CYP11B1: variants seen among roughly 807,000 people sequenced by gnomAD.
CYP11B1 encodes the protein cytochrome P450 11B1, mitochondrial.
Under a neutral mutation model 48.3 loss-of-function variants are expected in CYP11B1, and 34 were observed. The observed-to-expected ratio is 0.70, with a 90% confidence interval of 0.54 to 0.94. The LOEUF is 0.94. CYP11B1 is among the 40% of genes least tolerant of loss of function. The pLI is 0.00. For missense variants in CYP11B1, 688 were observed against 657.4 expected (o/e 1.05, Z -0.51); for synonymous variants, 291 against 262.5 (o/e 1.11, Z -1.05).
At chr8:142,874,717 G>C (rs1009088043) in intron 8 of CYP11B1, among the ~76,000 whole-genome samples, 1 of 152,126 alleles carries the variant, frequency 6.6e-6, no homozygotes, top group Non-Finnish European at 1.5e-5. Context: ...GACTTCCCCA[G>C]TTCCCACCTG....
At chr8:142,874,935 T>TCCC in intron 8 of CYP11B1, 22 bp downstream of exon 8, 2 of 1,611,412 alleles carry the variant, frequency 1.2e-6, no homozygotes, top group South Asian at 2.2e-5. Context: ...CCCAGGCCCC[T>TCCC]CCCCAGCCCG....
At chr8:142,877,540 T>C (rs1817000774) in intron 2 of CYP11B1, among the ~76,000 whole-genome samples, 1 of 152,158 alleles carries the variant, frequency 6.6e-6, no homozygotes, top group Non-Finnish European at 1.5e-5. Flanking sequence ...CTCCCTGTAG[T>C]AGGGGGGAGG....
At chr8:142,875,612 G>A in intron 6 of CYP11B1, 100 bp downstream of exon 6, 1 of 1,349,878 alleles carries the variant, frequency 7.4e-7, no homozygotes, top group Non-Finnish European at 1.0e-6. Flanking sequence ...GCTGCTGGGT[G>A]ACGCTGTTTA....
chr8:142,876,978 C>A (rs1563869559), intron 3 of CYP11B1, 45 bp downstream of exon 3: 1 of 1,612,026 alleles, frequency 6.2e-7, no homozygotes, highest in East Asian at 2.2e-5. Context: ...CCGTCCCTGG[C>A]CACTCCAGGG....
At chr8:142,877,358 T>G in intron 2 of CYP11B1, 136 bp from the exon 3 acceptor site, 1 of 926,610 alleles carries the variant, frequency 1.1e-6, no homozygotes, top group Non-Finnish European at 1.7e-6. Context: ...GCTGCCTGTT[T>G]GTGTTCGAGC....
At position 142,879,820 on chromosome 8, in the gene CYP11B1, G is replaced by A. The variant is rs759989671; in HGVS notation, c.-7C>T. On this transcript the variant is annotated 5_prime_UTR_variant, in exon 1 of 9. Transcript: ENST00000292427. ...CCTTTGCCCTGAGTGCCATTCCAAT[G>A]CTCCCTCCACCCTGTTCAGCTGCAA... is the stretch of plus-strand genomic sequence containing the variant. The A allele has an allele frequency of 1.2e-6, 2 of 1,612,428 alleles. No individual in the cohort carries two copies. The highest frequency in any genetic ancestry group is 1.3e-5 in the African/African-American group (1 of 75,046).
chr8:142,876,078 T>G (rs1271198534), intron 5 of CYP11B1, 163 bp downstream of exon 5: 4 of 1,189,780 alleles, frequency 3.4e-6, no homozygotes, highest in Non-Finnish European at 4.8e-6. Flanking sequence ...ATTCCAACCA[T>G]GGCAACCTGC....
At chr8:142,878,770 C>G (rs147846470) in intron 2 of CYP11B1, among the ~76,000 whole-genome samples, 1 of 152,194 alleles carries the variant, frequency 6.6e-6, no homozygotes, top group Non-Finnish European at 1.5e-5. Context: ...TGGTGCAGAG[C>G]GGGTTCTCAC....
intron 1 of CYP11B1, 61 bp downstream of exon 1, chr8:142,879,514 G>T (rs749551361): frequency 3.1e-6 from 5 of 1,614,128 alleles, no homozygotes; most frequent in Admixed American, 1.7e-5. Context: ...TGCCCGGCAG[G>T]GTCCTGGGCA....
chr8:142,875,754 G>T lies in CYP11B1; in HGVS notation c.1079C>A (p.Thr360Asn). Residue 360 changes from threonine (T) to asparagine (N), a missense_variant, in exon 6 of 9, where the codon ACC becomes AAC. Physicochemically the swap from Thr to Asn is moderately conservative, Grantham distance 65. Coordinates refer to ENST00000292427, the MANE Select transcript of CYP11B1 (RefSeq NM_000497.4). ...SISEHPQKAT[T>N]ELPLLRAALK... The stretch of plus-strand genomic sequence containing the variant: ...GGCCGCACGCAGCAAGGGCAGCTCG[G>T]TGGTTGCCTTCTGGGGATGTTCACT... 6.2e-7 allele frequency: 1 copy of T among 1,614,130 alleles called. No homozygotes were observed. Among genetic ancestry groups the T allele is most frequent in the Non-Finnish European group, 8.5e-7 (1 of 1,180,030 alleles).
chr8:142,879,351 T>G, intron 1 of CYP11B1, 164 bp from the exon 2 acceptor site: 4 of 1,607,488 alleles, frequency 2.5e-6, no homozygotes, highest in Non-Finnish European at 3.4e-6. Flanking sequence ...TTAACTTCAG[T>G]GCCTCTGAGT....
Position 142,879,707 on chromosome 8 carries a change from A to T in CYP11B1, c.107T>A (p.Leu36Gln), listed in dbSNP as rs755448048. The T allele has an allele frequency of 3.7e-6, 6 of 1,614,258 alleles. No homozygotes were observed. Among genetic ancestry groups the T allele is most frequent in the African/African-American group, 1.3e-5 (1 of 75,072 alleles). ...ACGCCGGGGCATGGCTTCAAAGGGC[A>T]GCACTGTCCTGGGGACCCGGGCGGC... The part of the protein sequence containing the change: ...TRAARVPRTV[L>Q]PFEAMPRRPG... The change falls in exon 1 of 9, where the codon CTG becomes CAG. Residue 36 changes from leucine to glutamine, a missense_variant. Physicochemically the swap from Leu to Gln is moderately radical, Grantham distance 113 (BLOSUM62 -2). Transcript: ENST00000292427.
intron 2 of CYP11B1, chr8:142,877,905 G>A: frequency 2.3e-6 from 3 of 1,302,578 alleles, no homozygotes; most frequent in East Asian, 2.3e-5. Context: ...GCAGGCAGAA[G>A]ATGCACATGC....
Position 142,874,260 on chromosome 8 carries a change from AGACAGAGGGGT to A in CYP11B1, c.*102_*112del. ...AGTTCCATTTGTGCTGGGGCTGGTT[AGACAGAGGGGT>A]GACTCAGGAAGCTGTGCATGTGGGA... is the stretch of plus-strand genomic sequence containing the variant. On this transcript the variant is annotated 3_prime_UTR_variant, in exon 9 of 9. Coordinates refer to ENST00000292427, the MANE Select transcript of CYP11B1 (RefSeq NM_000497.4). 1.3e-6 allele frequency: 1 copy of A among 794,940 alleles called. No homozygotes were observed. Among genetic ancestry groups the A allele is most frequent in the South Asian group, 1.4e-5 (1 of 72,260 alleles). 49.2% of individuals were successfully genotyped at this position (794,940 alleles called of 1,614,324 possible). A position where few individuals can be genotyped will look rare whatever the true frequency, so the allele number is the denominator to read the frequency against.
intron 8 of CYP11B1, 97 bp downstream of exon 8, chr8:142,874,860 C>A: frequency 6.9e-7 from 1 of 1,443,996 alleles, no homozygotes; most frequent in South Asian, 1.2e-5. Context: ...AACATGCAGG[C>A]CACTCCCACT....
chr8:142,874,043 A>G lies in CYP11B1; in HGVS notation c.*330T>C. On this transcript the variant is annotated 3_prime_UTR_variant, in exon 9 of 9. Transcript: ENST00000292427. ...AGGCAGGAAGGCAAGGGACAAAACC[A>G]CAGCACCCTTGTATGGCCACACGAG... is the stretch of plus-strand genomic sequence containing the variant. 2.4e-6 allele frequency: 1 copy of G among 422,218 alleles called. No individual in the cohort carries two copies. Among genetic ancestry groups the G allele is most frequent in the Non-Finnish European group, 4.4e-6 (1 of 225,150 alleles). 26.2% of individuals were successfully genotyped at this position (422,218 alleles called of 1,614,324 possible). A position where few individuals can be genotyped will look rare whatever the true frequency, so the allele number is the denominator to read the frequency against.
intron 2 of CYP11B1, chr8:142,877,817 C>T (rs775636607): frequency 3.3e-4 from 520 of 1,595,738 alleles, no homozygotes; most frequent in Non-Finnish European, 4.3e-4. Context: ...GGAGGAATTT[C>T]CCCTGTCAGC....
intron 6 of CYP11B1, 66 bp from the exon 7 acceptor site, chr8:142,875,378 C>T (rs762759122): frequency 6.6e-7 from 1 of 1,510,280 alleles, no homozygotes; most frequent in Non-Finnish European, 9.0e-7. Context: ...TCTCTGCACC[C>T]TTCCTACCGA....
In CYP11B1 at chr8:142,872,722, A is replaced by G. The variant is rs1430262178; in HGVS notation, c.*1651T>C. 1 of 152,222 alleles carries G rather than the reference A, an allele frequency of 6.6e-6. No individual in the cohort carries two copies. Among genetic ancestry groups the G allele is most frequent in the African/African-American group, 2.4e-5 (1 of 41,456 alleles). 9.4% of individuals were successfully genotyped at this position (152,222 alleles called of 1,614,324 possible). ...ATGTAGATTTTAGAGAAACAGAAGC[A>G]GAGTAGTTTAATCTGAATTTTTGTG... On this transcript the variant is annotated 3_prime_UTR_variant, in exon 9 of 9. Coordinates refer to ENST00000292427, the MANE Select transcript of CYP11B1 (RefSeq NM_000497.4).
Sources: gnomAD v4.1 joint callset for allele counts (sites outside exome capture counted in the v4.1 genomes callset) on GRCh38, gnomAD v4.1.1 for gene constraint, MANE v1.5 for transcripts, NCBI Gene and HGNC (gene_info 2026-07-23, HGNC 2026-07-21) for gene names.